Variants in IGSF21 observed in about 807,000 individuals in gnomAD.
IGSF21 encodes the protein immunoglobulin superfamily member 21.
A neutral mutation model predicts 46.8 loss-of-function variants in IGSF21; 28 were observed. That is an observed-to-expected ratio of 0.60 (90% CI 0.44 to 0.82). IGSF21 has a LOEUF of 0.82. IGSF21 is among the 40% of genes least tolerant of loss of function. The pLI, the probability that IGSF21 is intolerant of heterozygous loss-of-function variation, is 0.00. For missense variants in IGSF21, 624 were observed against 665.5 expected (o/e 0.94, Z 0.69); for synonymous variants, 284 against 273.6 (o/e 1.04, Z -0.38).
At chr1:18,230,697 T>A (rs2084616241) in intron 2 of IGSF21, among the ~76,000 whole-genome samples, 1 of 152,066 alleles carries the variant, frequency 6.6e-6, no homozygotes, top group Non-Finnish European at 1.5e-5. Context: ...TCTAGCTTTC[T>A]CTAGTGATTG....
At position 18,291,961 on chromosome 1, in the gene IGSF21, G is replaced by A. The variant is rs199714139; in HGVS notation, c.279G>A (p.Glu93=). ...YSHMENYRKR[E]DLVYQSTVRL... ...ACATGGAGAACTACCGCAAGCGAGA[G>A]GACCTGGTGTACCAGTCCACTGTGA... Residue 93 remains glutamate, a synonymous_variant, in exon 3 of 10, where the codon GAG becomes GAA. Transcript: ENST00000251296. 2 of 1,614,106 alleles carry A rather than the reference G, an allele frequency of 1.2e-6. No homozygotes were observed. The highest frequency in any genetic ancestry group is 2.7e-5 in the African/African-American group (2 of 75,042).
At chr1:18,266,564 C>T (rs987101372) in intron 2 of IGSF21, among the ~76,000 whole-genome samples, 1 of 152,244 alleles carries the variant, frequency 6.6e-6, no homozygotes. Flanking sequence ...TCCCATCCTC[C>T]AGTGGGCTGG....
At chr1:18,218,368 T>C (rs2084474583) in intron 1 of IGSF21, among the ~76,000 whole-genome samples, 1 of 152,252 alleles carries the variant, frequency 6.6e-6, no homozygotes, top group African/African-American at 2.4e-5. Flanking sequence ...ACACTGGGTA[T>C]TACGATTCGA....
At position 18,108,216 on chromosome 1, in the gene IGSF21, T is replaced by A; in HGVS notation, c.70+18T>A. The stretch of plus-strand genomic sequence containing the variant: ...GGCGCGCGGTGAGTGCGCGGGCGCC[T>A]GGCGGGAGCCGAGCGGTGAACGTGC... On this transcript the variant is annotated intron_variant, in intron 1 of 9. Coordinates refer to ENST00000251296, the MANE Select transcript of IGSF21 (RefSeq NM_032880.5). The A allele has an allele frequency of 7.3e-7, 1 of 1,363,084 alleles. No homozygotes were observed. The highest frequency in any genetic ancestry group is 1.7e-5 in the South Asian group (1 of 57,506). The allele number at this position is 1,363,084 out of a possible 1,614,324, so 84.4% of individuals were successfully genotyped here.
chr1:18,267,687 C>T (rs1276157018), intron 2 of IGSF21, among the ~76,000 whole-genome samples: 2 of 152,212 alleles, frequency 1.3e-5, no homozygotes, highest in African/African-American at 4.8e-5. Context: ...ATCACGGGCC[C>T]TAGGTGGAGG....
chr1:18,233,436 G>C (rs951700672), intron 2 of IGSF21, among the ~76,000 whole-genome samples: 2 of 152,232 alleles, frequency 1.3e-5, no homozygotes, highest in African/African-American at 4.8e-5. Context: ...GGTAGGAAGA[G>C]AGAGGACTTG....
At chr1:18,128,570 G>A (rs922472054) in intron 1 of IGSF21, among the ~76,000 whole-genome samples, 1 of 152,130 alleles carries the variant, frequency 6.6e-6, no homozygotes, top group Admixed American at 6.5e-5. Context: ...TTTGGCCCTG[G>A]GGAGACCCGA....
chr1:18,194,737 A>G (rs1228241144), intron 1 of IGSF21, among the ~76,000 whole-genome samples: 1 of 152,214 alleles, frequency 6.6e-6, no homozygotes, highest in Non-Finnish European at 1.5e-5. Context: ...CCAGGAGGAC[A>G]GGGATGTTGT....
At chr1:18,261,938 C>T (rs1032921370) in intron 2 of IGSF21, among the ~76,000 whole-genome samples, 5 of 152,142 alleles carry the variant, frequency 3.3e-5, no homozygotes, top group African/African-American at 1.2e-4. Flanking sequence ...TAGCACTGGG[C>T]AGGTGGGGCT....
At chr1:18,191,098 A>G (rs902331408) in intron 1 of IGSF21, among the ~76,000 whole-genome samples, 2 of 152,200 alleles carry the variant, frequency 1.3e-5, no homozygotes, top group Non-Finnish European at 2.9e-5. Flanking sequence ...TAATTCCAGA[A>G]AAAACATTCA....
intron 1 of IGSF21, among the ~76,000 whole-genome samples, chr1:18,125,249 A>T (rs1184528540): frequency 6.6e-6 from 1 of 152,152 alleles, no homozygotes; most frequent in African/African-American, 2.4e-5. Context: ...CTTCTTCATG[A>T]TTCAGGTCTC....
At chr1:18,130,415 T>TG (rs1396157889) in intron 1 of IGSF21, among the ~76,000 whole-genome samples, 1 of 152,222 alleles carries the variant, frequency 6.6e-6, no homozygotes. Flanking sequence ...GGCAAGGGGC[T>TG]GGCTCTCTCT....
chr1:18,310,765 A>G (rs1019993151), intron 3 of IGSF21, among the ~76,000 whole-genome samples: 1 of 152,194 alleles, frequency 6.6e-6, no homozygotes, highest in African/African-American at 2.4e-5. Context: ...AGGTGTTGGC[A>G]TGGCCACACT....
At chr1:18,192,472 A>G (rs1024083771) in intron 1 of IGSF21, among the ~76,000 whole-genome samples, 13 of 152,270 alleles carry the variant, frequency 8.5e-5, no homozygotes, top group Non-Finnish European at 1.6e-4. Context: ...CCTGAGGCAC[A>G]GTTAGCGCCA....
At chr1:18,288,216 C>G (rs1009847404) in intron 2 of IGSF21, among the ~76,000 whole-genome samples, 4 of 152,074 alleles carry the variant, frequency 2.6e-5, no homozygotes, top group African/African-American at 9.7e-5. Context: ...TGCTCCAAAG[C>G]CTCCCATAGA....
intron 1 of IGSF21, among the ~76,000 whole-genome samples, chr1:18,169,653 G>C (rs927948223): frequency 6.6e-6 from 1 of 152,198 alleles, no homozygotes; most frequent in Non-Finnish European, 1.5e-5. Flanking sequence ...AGTTCTCACT[G>C]GCAGTCAGAT....
chr1:18,184,154 A>G (rs2086881510), intron 1 of IGSF21, among the ~76,000 whole-genome samples: 1 of 152,182 alleles, frequency 6.6e-6, no homozygotes, highest in Non-Finnish European at 1.5e-5. Context: ...AAAAGCAGAT[A>G]TCAAACATAG....
chr1:18,194,148 T>C (rs1215673119), intron 1 of IGSF21, among the ~76,000 whole-genome samples: 1 of 152,144 alleles, frequency 6.6e-6, no homozygotes, highest in African/African-American at 2.4e-5. Flanking sequence ...AACAGGTCAG[T>C]AGGGGAAGCC....
intron 1 of IGSF21, among the ~76,000 whole-genome samples, chr1:18,217,953 G>T (rs1468209653): frequency 1.3e-5 from 2 of 152,204 alleles, no homozygotes; most frequent in Non-Finnish European, 2.9e-5. Context: ...CCAAGCACTG[G>T]TCACATGTTC....
Sources: allele counts gnomAD v4.1 joint callset (sites outside exome capture counted in the v4.1 genomes callset), GRCh38; gene constraint gnomAD v4.1.1; transcripts MANE v1.5; gene names NCBI Gene and HGNC (gene_info 2026-07-23, HGNC 2026-07-21).